The following TMEM120A variants were observed in gnomAD, a reference collection of about 807,000 sequenced individuals.
The protein encoded by TMEM120A is ion channel TACAN.
TMEM120A carries 45 observed loss-of-function variants against 54.3 expected under a neutral mutation model. The observed-to-expected ratio is 0.83, with a 90% confidence interval of 0.65 to 1.06. The LOEUF (loss-of-function observed/expected upper bound fraction) is 1.06, where lower values mean the gene tolerates loss of function less well. TMEM120A is among the 50% of genes least tolerant of loss of function. The pLI, the probability that TMEM120A is intolerant of heterozygous loss-of-function variation, is 0.00. For missense variants in TMEM120A, 424 were observed against 441.7 expected, an observed-to-expected ratio of 0.96 and a Z score of 0.36; for synonymous variants, 204 against 178.5, an observed-to-expected ratio of 1.14 and a Z score of -1.14.
At chr7:75,990,754 C>T (rs782663242) in intron 3 of TMEM120A, among the ~76,000 whole-genome samples, 4 of 151,452 alleles carry the variant, frequency 2.6e-5, no homozygotes, top group Non-Finnish European at 5.9e-5. Flanking sequence ...CAAAAATTAG[C>T]CGGGTGTGGT....
In TMEM120A at chr7:75,989,366, C is replaced by G. The variant is rs1272898384; in HGVS notation, c.318-142G>C. The G allele has an allele frequency of 6.0e-6, 4 of 667,788 alleles. No homozygotes were observed. In the African/African-American group the frequency reaches 7.1e-5, roughly 12 times the overall value. The allele number at this position is 667,788 out of a possible 1,614,324, so 41.4% of individuals were successfully genotyped here. A position where few individuals can be genotyped will look rare whatever the true frequency, so the allele number is the denominator to read the frequency against. On this transcript the variant is annotated intron_variant, in intron 3 of 11. Transcript: ENST00000493111. The stretch of plus-strand genomic sequence containing the variant: ...TTCCGCAGGGCCTTGGCATCGGGTT[C>G]TGACCTTGGAGGCTGCAGACCCACT...
Position 75,994,591 on chromosome 7 carries a change from G to A in TMEM120A, c.-21C>T, listed in dbSNP as rs782520786. On this transcript the variant is annotated 5_prime_UTR_variant, in exon 1 of 12. Transcript: ENST00000493111. ...TGCATGGCTGCAGCGCCAGTAGCCA[G>A]TAGTGGAGGACGGCGCAGCAACCCC... 3.3e-6 allele frequency: 5 copies of A among 1,514,082 alleles called. No homozygotes were observed. Among genetic ancestry groups the A allele is most frequent in the South Asian group, 1.2e-5 (1 of 81,892 alleles). The allele number at this position is 1,514,082 out of a possible 1,614,324, so 93.8% of individuals were successfully genotyped here.
chr7:75,987,557 G>T lies in TMEM120A; in HGVS notation c.830C>A (p.Pro277His). The T allele has an allele frequency of 6.3e-7, 1 of 1,599,172 alleles. No homozygotes were observed. The highest frequency in any genetic ancestry group is 8.5e-7 in the Non-Finnish European group (1 of 1,173,116). ...WMWRGLTFLL[P>H]FLFFGHFWQL... ...ACTTACGTGTCCAAAGAAAAGAAAA[G>T]GCAGCAGGAAGGTGAGGCCCCGCCA... The change falls in exon 10 of 12, where the codon CCT becomes CAT. Residue 277 changes from proline (P) to histidine (H), a missense_variant. Transcript: ENST00000493111.
In TMEM120A at chr7:75,989,110, A is replaced by AGT; in HGVS notation, c.377+54_377+55insAC. Reference sequence around the variant, plus strand: ...TGGAGGTTGAGGGGGGGAGGGGGGTAGGGGGCTAGGGGTGGAGGGGTGGAG... The same window carrying AGT: ...TGGAGGTTGAGGGGGGGAGGGGGGTAGTGGGGGCTAGGGGTGGAGGGGTGGAG... On this transcript the variant is annotated intron_variant, in intron 4 of 11. Transcript: ENST00000493111. 1.2e-5 allele frequency: 4 copies of AGT among 328,588 alleles called. 1 individual carries two copies. The highest frequency in any genetic ancestry group is 1.5e-5 in the Non-Finnish European group (3 of 199,914). The allele number at this position is 328,588 out of a possible 1,614,324, so 20.4% of individuals were successfully genotyped here.
chr7:75,992,364 G>A (rs782276230), intron 2 of TMEM120A, 75 bp downstream of exon 2: 379 of 1,546,418 alleles, frequency 2.5e-4, no homozygotes, highest in Admixed American at 4.4e-4. Flanking sequence ...GGGGAGGGGC[G>A]GTGCCCAGGG....
At chr7:75,992,018 G>A (rs1789861324) in intron 3 of TMEM120A, 126 bp downstream of exon 3, 2 of 649,566 alleles carry the variant, frequency 3.1e-6, no homozygotes, top group Admixed American at 6.0e-5. Flanking sequence ...AGTCAGCACT[G>A]TGCCTCATTG....
chr7:75,992,728 G>A (rs1400823193), intron 1 of TMEM120A, among the ~76,000 whole-genome samples, 171 bp from the exon 2 acceptor site: 1 of 152,194 alleles, frequency 6.6e-6, no homozygotes, highest in Non-Finnish European at 1.5e-5. Flanking sequence ...CCCCAAGGCA[G>A]GCAAGGACCT....
chr7:75,990,468 G>A (rs1407024166), intron 3 of TMEM120A, among the ~76,000 whole-genome samples: 2 of 152,242 alleles, frequency 1.3e-5, no homozygotes, highest in South Asian at 2.1e-4. Flanking sequence ...GCAGGTGGAT[G>A]TGCTCGAGTC....
intron 7 of TMEM120A, 29 bp from the exon 8 acceptor site, chr7:75,988,013 G>A (rs782227395): frequency 7.5e-6 from 12 of 1,594,526 alleles, no homozygotes; most frequent in Non-Finnish European, 1.0e-5. Context: ...GGCAGTGTGG[G>A]GACCCTTGGG....
In TMEM120A at chr7:75,994,469, G is replaced by A. The variant is rs1374695864; in HGVS notation, c.81+21C>T. ...GCGAGACGCGGCTCGGGGGCGACCCGGCGTCCGCAGCGGCGCTAACCTGGA... is the reference window on the plus strand; with the variant it reads ...GCGAGACGCGGCTCGGGGGCGACCCAGCGTCCGCAGCGGCGCTAACCTGGA... On this transcript the variant is annotated intron_variant, in intron 1 of 11. Transcript: ENST00000493111. 6 of 1,551,118 alleles carry A rather than the reference G, an allele frequency of 3.9e-6. No individual in the cohort carries two copies. The African/African-American group carries it at 4.1e-5, about 11-fold the overall frequency.
intron 2 of TMEM120A, 54 bp downstream of exon 2, chr7:75,992,385 C>G (rs1046101590): frequency 6.4e-7 from 1 of 1,570,870 alleles, no homozygotes; most frequent in Non-Finnish European, 8.7e-7. Flanking sequence ...TCTCACAGCG[C>G]CAGCCCTCCC....
At position 75,992,215 on chromosome 7, in the gene TMEM120A, C is replaced by T. The variant is rs1554561968; in HGVS notation, c.246G>A (p.Glu82=). ...GGCGCTCTTTCATCTGGTTCTCCAG[C>T]TCCTGTGCGGCCCCCTCGGCCTCTG... ...LPAEAEGAAQ[E]LENQMKERQG... Residue 82 remains glutamate (E), a synonymous_variant, in exon 3 of 12, where the codon GAG becomes GAA. Coordinates refer to ENST00000493111, the MANE Select transcript of TMEM120A (RefSeq NM_031925.3). The T allele has an allele frequency of 6.2e-7, 1 of 1,612,542 alleles. No homozygotes were observed. Among genetic ancestry groups the T allele is most frequent in the Non-Finnish European group, 8.5e-7 (1 of 1,179,422 alleles).
Position 75,988,450 on chromosome 7 carries a change from G to T in TMEM120A, c.444C>A (p.Ser148=). ...LYLTIILILI[S]FTCRFLLNSR... is the part of the protein sequence containing the mutation. ...AGTTGAGCAGGAAGCGGCAAGTGAA[G>T]GAGATGAGGATGAGGATGATGGTGA... The change falls in exon 5 of 12, where the codon TCC becomes TCA. Residue 148 remains serine, a synonymous_variant. Transcript: ENST00000493111. The T allele has an allele frequency of 6.2e-7, 1 of 1,611,212 alleles. No individual in the cohort carries two copies. The highest frequency in any genetic ancestry group is 8.5e-7 in the Non-Finnish European group (1 of 1,179,592).
At chr7:75,988,172 C>T (rs185977178) in intron 6 of TMEM120A, 24 bp from the exon 7 acceptor site, 213 of 1,611,050 alleles carry the variant, frequency 1.3e-4, no homozygotes, top group South Asian at 4.0e-4. Context: ...CCACCATCAC[C>T]CCCAGCGCCT....
intron 3 of TMEM120A, 51 bp downstream of exon 3, chr7:75,992,093 G>C: frequency 7.4e-7 from 1 of 1,347,854 alleles, no homozygotes; most frequent in Non-Finnish European, 1.0e-6. Flanking sequence ...GCAGCACCCG[G>C]CTTCAGGAGT....
intron 1 of TMEM120A, 72 bp from the exon 2 acceptor site, chr7:75,992,629 C>G: frequency 8.7e-7 from 1 of 1,146,826 alleles, no homozygotes; most frequent in Non-Finnish European, 1.2e-6. Context: ...CAGGACGTGG[C>G]GCTCAGGCTC....
In TMEM120A at chr7:75,988,483, C is replaced by T. The variant is rs1554560792; in HGVS notation, c.411G>A (p.Lys137=). ...GGATGAGGATGATGGTGAGGTAGAG[C>T]TTGAACTTCTCATACTCGTCCTTGT... ...FAYKDEYEKF[K]LYLTIILILI... is the part of the protein sequence containing the mutation. The change falls in exon 5 of 12, where the codon AAG becomes AAA. Residue 137 remains lysine, a synonymous_variant. Transcript: ENST00000493111. 1 of 1,609,294 alleles carries T rather than the reference C, an allele frequency of 6.2e-7. No individual in the cohort carries two copies. The highest frequency in any genetic ancestry group is 8.5e-7 in the Non-Finnish European group (1 of 1,179,224).
chr7:75,987,938 A>G lies in TMEM120A; in HGVS notation c.676T>C (p.Phe226Leu). The G allele has an allele frequency of 6.2e-7, 1 of 1,603,790 alleles. No homozygotes were observed. The change falls in exon 8 of 12, where the codon TTT becomes CTT. Residue 226 changes from phenylalanine (F) to leucine (L), a missense_variant. Phe to Leu is a conservative substitution (Grantham distance 22). Transcript: ENST00000493111. ...GGACACTCACTCTGGTACATGGAAA[A>G]GGAGAGGAATTGGTTCCGGAATTTC... Reference protein sequence around the residue: ...YQKFRNQFLSFSMYQSFVQFL... With the variant: ...YQKFRNQFLSLSMYQSFVQFL...
intron 10 of TMEM120A, 38 bp from the exon 11 acceptor site, chr7:75,987,466 T>TCCCTGCTGGAGC: frequency 6.4e-7 from 1 of 1,560,804 alleles, no homozygotes; most frequent in Non-Finnish European, 8.7e-7. Flanking sequence ...GAAGACCCAG[T>TCCCTGCTGGAGC]CCCTGCTGGA....
Sources: gnomAD v4.1 joint callset for allele counts (sites outside exome capture counted in the v4.1 genomes callset) on GRCh38, gnomAD v4.1.1 for gene constraint, MANE v1.5 for transcripts, NCBI Gene and HGNC (gene_info 2026-07-23, HGNC 2026-07-21) for gene names.